TAFA1: variants seen among roughly 807,000 people sequenced by gnomAD.
TAFA1 encodes the protein chemokine-like protein TAFA-1.
TAFA1 carries 4 observed loss-of-function variants against 18.5 expected under a neutral mutation model. The observed-to-expected ratio is 0.22, with a 90% CI of 0.11 to 0.49. TAFA1 has a LOEUF of 0.49. Among genes scored for constraint, TAFA1 ranks in the 20% least tolerant of loss-of-function variants. The pLI, the probability that TAFA1 is intolerant of heterozygous loss-of-function variation, is 0.98. For synonymous variants in TAFA1, 56 were observed against 55.2 expected, an observed-to-expected ratio of 1.01 and a Z score of -0.06; for missense variants, 147 against 169.0, an observed-to-expected ratio of 0.87 and a Z score of 0.72.
intron 2 of TAFA1, among the ~76,000 whole-genome samples, chr3:68,358,498 A>G (rs1358707183): frequency 1.3e-5 from 2 of 151,974 alleles, no homozygotes; most frequent in African/African-American, 4.8e-5. Flanking sequence ...AAAAACTAGT[A>G]ACAGGTGGAC....
chr3:68,007,175 T>G (rs911103513), intron 2 of TAFA1, among the ~76,000 whole-genome samples: 2 of 152,190 alleles, frequency 1.3e-5, no homozygotes, highest in Non-Finnish European at 2.9e-5. Flanking sequence ...GAAAAAGAAA[T>G]TAAAAAGTAA....
intron 2 of TAFA1, among the ~76,000 whole-genome samples, chr3:68,263,444 C>G (rs1006244493): frequency 1.5e-5 from 2 of 129,104 alleles, no homozygotes; most frequent in Non-Finnish European, 3.2e-5. Context: ...ACCACACACA[C>G]ATACACACAC....
intron 2 of TAFA1, among the ~76,000 whole-genome samples, chr3:68,384,734 C>G (rs1031383812): frequency 1.3e-5 from 2 of 151,882 alleles, no homozygotes; most frequent in African/African-American, 4.8e-5. Flanking sequence ...AATTTTCTAC[C>G]TCAATAATCT....
In TAFA1 at chr3:68,498,357, A is replaced by G. The variant is rs568402484; in HGVS notation, c.260-40399A>G. Among the ~76,000 whole-genome samples, 66 of 152,232 alleles carry G rather than the reference A, an allele frequency of 4.3e-4. 1 individual carries two copies. The highest frequency in any genetic ancestry group is 2.1e-3 in the South Asian group (10 of 4,826). ...TGGGGATGCAAAGATGAATTAGTCA[A>G]TGTCCCCACTCTCAAAGATACACCT... On this transcript the variant is annotated intron_variant, in intron 3 of 4. Transcript: ENST00000478136.
intron 3 of TAFA1, among the ~76,000 whole-genome samples, chr3:68,460,907 T>C (rs1156394769): frequency 6.6e-6 from 1 of 152,126 alleles, no homozygotes; most frequent in Non-Finnish European, 1.5e-5. Context: ...AAGAAATATA[T>C]CTTAAAATGG....
At position 68,026,249 on chromosome 3, in the gene TAFA1, G is replaced by A. The variant is rs115420195; in HGVS notation, c.118+19505G>A. The stretch of plus-strand genomic sequence containing the variant: ...TGAGGGCAGGGGTTGGCCCACAGAC[G>A]AATCCTTGTGAAGATGAGGTGACTG... On this transcript the variant is annotated intron_variant, in intron 2 of 4. Transcript: ENST00000478136. Among the ~76,000 whole-genome samples the A allele has an allele frequency of 7.9e-3, 1,197 of 151,932 alleles. 18 individuals carry two copies. Among genetic ancestry groups the A allele is most frequent in the African/African-American group, 0.027 (1,129 of 41,432 alleles).
intron 2 of TAFA1, among the ~76,000 whole-genome samples, chr3:68,120,580 G>C (rs962476332): frequency 1.3e-5 from 2 of 152,134 alleles, no homozygotes; most frequent in African/African-American, 4.8e-5. Context: ...ATCTCTTGCT[G>C]TAGTGAGAGG....
At chr3:68,471,067 C>T (rs1379508729) in intron 3 of TAFA1, among the ~76,000 whole-genome samples, 1 of 152,200 alleles carries the variant, frequency 6.6e-6, no homozygotes, top group Admixed American at 6.5e-5. Flanking sequence ...CAACGTACAG[C>T]TCAGGCCATG....
chr3:68,480,032 T>C (rs1439395986), intron 3 of TAFA1, among the ~76,000 whole-genome samples: 1 of 152,118 alleles, frequency 6.6e-6, no homozygotes, highest in Non-Finnish European at 1.5e-5. Flanking sequence ...GCCTAAAGCA[T>C]TGGCTCTCAA....
Position 68,468,570 on chromosome 3 carries a change from A to G in TAFA1, c.259+51150A>G, listed in dbSNP as rs184991593. Among the ~76,000 whole-genome samples, 7 of 152,318 alleles carry G rather than the reference A, an allele frequency of 4.6e-5. No individual in the cohort carries two copies. In the East Asian group the frequency reaches 1.4e-3, roughly 29 times the overall value. On this transcript the variant is annotated intron_variant, in intron 3 of 4. Transcript: ENST00000478136. ...GGCCAAGAAAAGAAGACAGAGATGAAACCCAAATCGGTCACACTGACCACT... is the reference window on the plus strand; with the variant it reads ...GGCCAAGAAAAGAAGACAGAGATGAGACCCAAATCGGTCACACTGACCACT...
chr3:68,483,307 T>C (rs1190516196), intron 3 of TAFA1, among the ~76,000 whole-genome samples: 1 of 120,554 alleles, frequency 8.3e-6, no homozygotes, highest in Non-Finnish European at 1.8e-5. Flanking sequence ...AAGTATGGTC[T>C]CTTTCAAAGC....
chr3:68,049,536 A>T (rs1183885742), intron 2 of TAFA1, among the ~76,000 whole-genome samples: 1 of 152,048 alleles, frequency 6.6e-6, no homozygotes, highest in African/African-American at 2.4e-5. Flanking sequence ...TCTGCATCTC[A>T]GTAATGGAAC....
chr3:68,083,254 G>A (rs1419387271), intron 2 of TAFA1, among the ~76,000 whole-genome samples: 1 of 152,174 alleles, frequency 6.6e-6, no homozygotes, highest in Admixed American at 6.5e-5. Flanking sequence ...GCTATCATCT[G>A]CACCAAACCT....
chr3:68,036,447 A>G (rs1705050841), intron 2 of TAFA1, among the ~76,000 whole-genome samples: 1 of 152,020 alleles, frequency 6.6e-6, no homozygotes. Flanking sequence ...AAAAAAAAAA[A>G]AAAAAAAAAG....
intron 2 of TAFA1, among the ~76,000 whole-genome samples, chr3:68,257,728 G>A (rs771260199): frequency 6.6e-5 from 10 of 152,118 alleles, no homozygotes; most frequent in Admixed American, 2.0e-4. Flanking sequence ...GTATGGGCTA[G>A]ACTCAGTAAC....
intron 2 of TAFA1, among the ~76,000 whole-genome samples, chr3:68,254,673 T>C (rs1342411707): frequency 2.0e-5 from 3 of 152,120 alleles, no homozygotes; most frequent in East Asian, 1.9e-4. Flanking sequence ...GGTAAAGATA[T>C]ATAGGAATAT....
At chr3:68,407,375 C>A (rs1328067431) in intron 2 of TAFA1, among the ~76,000 whole-genome samples, 1 of 152,100 alleles carries the variant, frequency 6.6e-6, no homozygotes, top group Non-Finnish European at 1.5e-5. Flanking sequence ...TCTCTGGAAA[C>A]TGAATCACAG....
chr3:68,420,898 C>T (rs914710454), intron 3 of TAFA1, among the ~76,000 whole-genome samples: 6 of 152,150 alleles, frequency 3.9e-5, no homozygotes, highest in Non-Finnish European at 7.4e-5. Flanking sequence ...AAAGCTATTT[C>T]CCTCTCTCTT....
intron 2 of TAFA1, among the ~76,000 whole-genome samples, chr3:68,122,357 A>C (rs2065410554): frequency 6.6e-6 from 1 of 152,202 alleles, no homozygotes; most frequent in South Asian, 2.1e-4. Context: ...AATGTTTATA[A>C]ACACACTTGA....
Sources: gnomAD v4.1 joint callset for allele counts (sites outside exome capture counted in the v4.1 genomes callset) on GRCh38, gnomAD v4.1.1 for gene constraint, MANE v1.5 for transcripts, NCBI Gene and HGNC (gene_info 2026-07-23, HGNC 2026-07-21) for gene names.